The following ADAMTSL1 variants were observed in gnomAD, a reference collection of about 807,000 sequenced individuals.
ADAMTSL1 encodes the protein ADAMTS-like protein 1.
ADAMTSL1 carries 126 observed loss-of-function variants against 201.8 expected under a neutral mutation model. The observed-to-expected ratio is 0.62, with a 90% CI of 0.54 to 0.72. ADAMTSL1 has a LOEUF of 0.72. Among genes scored for constraint, ADAMTSL1 ranks in the 30% least tolerant of loss-of-function variants. The probability of loss-of-function intolerance (pLI) is 0.00; values close to 1 mark genes in which losing one functional copy is unlikely to be tolerated. For synonymous variants in ADAMTSL1, 1,121 were observed against 903.4 expected, an observed-to-expected ratio of 1.24 and a Z score of -4.32; for missense variants, 2,679 against 2,277.8, an observed-to-expected ratio of 1.18 and a Z score of -3.59.
At chr9:18,738,771 T>C (rs1394876637) in intron 15 of ADAMTSL1, among the ~76,000 whole-genome samples, 2 of 152,088 alleles carry the variant, frequency 1.3e-5, no homozygotes, top group African/African-American at 4.8e-5. Context: ...AATAGAAAAA[T>C]AGTTACTCTA....
chr9:18,287,420 T>G (rs938599135), intron 2 of ADAMTSL1, among the ~76,000 whole-genome samples: 1 of 151,822 alleles, frequency 6.6e-6, no homozygotes, highest in Non-Finnish European at 1.5e-5. Context: ...TATTTATATA[T>G]CTGTAATATT....
intron 2 of ADAMTSL1, among the ~76,000 whole-genome samples, chr9:18,406,289 T>TTTTTCTTTTCTTTAC (rs1554673584): frequency 6.4e-4 from 75 of 117,486 alleles, no homozygotes; most frequent in African/African-American, 2.5e-3. Context: ...ATAAGACAGT[T>TTTTTCTTTTCTTTAC]TTTTCTTTTC....
intron 21 of ADAMTSL1, among the ~76,000 whole-genome samples, chr9:18,822,806 C>A (rs1379397524): frequency 1.3e-5 from 2 of 152,188 alleles, no homozygotes; most frequent in Non-Finnish European, 2.9e-5. Context: ...CTCCGTTTAA[C>A]ACACTCAGGA....
At chr9:18,008,003 G>C (rs1273133397) in intron 1 of ADAMTSL1, among the ~76,000 whole-genome samples, 6 of 151,850 alleles carry the variant, frequency 4.0e-5, no homozygotes. Context: ...TTATTCCTTA[G>C]CTTAAAATTC....
At chr9:18,060,011 A>G (rs558105077) in intron 1 of ADAMTSL1, among the ~76,000 whole-genome samples, 10 of 152,334 alleles carry the variant, frequency 6.6e-5, no homozygotes, top group African/African-American at 2.2e-4. Flanking sequence ...AAAATAGTAG[A>G]TAGTAACATA....
chr9:18,792,151 C>T (rs1822103720), intron 19 of ADAMTSL1, among the ~76,000 whole-genome samples: 2 of 152,174 alleles, frequency 1.3e-5, no homozygotes, highest in Admixed American at 6.5e-5. Flanking sequence ...GTGCCCCTCT[C>T]ACTCCTTCCT....
At chr9:18,426,484 C>A (rs569713977) in intron 2 of ADAMTSL1, among the ~76,000 whole-genome samples, 1 of 152,288 alleles carries the variant, frequency 6.6e-6, no homozygotes, top group East Asian at 1.9e-4. Flanking sequence ...TAGCTTCTGC[C>A]TCCTAGAAGC....
At chr9:18,817,038 A>T in intron 20 of ADAMTSL1, 71 bp from the exon 21 acceptor site, 1 of 1,565,638 alleles carries the variant, frequency 6.4e-7, no homozygotes, top group Non-Finnish European at 8.6e-7. Context: ...TGGTTAGCCC[A>T]TATTTCAAAG....
chr9:18,496,316 A>T (rs528576100), intron 1 of ADAMTSL1, among the ~76,000 whole-genome samples: 2 of 152,336 alleles, frequency 1.3e-5, no homozygotes, highest in South Asian at 4.1e-4. Context: ...GAATGTAAAA[A>T]AGAAGAAAGC....
intron 2 of ADAMTSL1, among the ~76,000 whole-genome samples, chr9:18,229,492 A>G (rs2132399711): frequency 7.0e-6 from 1 of 143,564 alleles, no homozygotes; most frequent in East Asian, 2.1e-4. Context: ...GTAAGGAAGA[A>G]CTTTCTATAA....
chr9:18,047,365 G>T (rs910691134), intron 1 of ADAMTSL1, among the ~76,000 whole-genome samples: 1 of 152,152 alleles, frequency 6.6e-6, no homozygotes, highest in Non-Finnish European at 1.5e-5. Flanking sequence ...GGGAGATGTT[G>T]TTGGCATTTA....
chr9:18,489,113 A>T (rs138104839), intron 1 of ADAMTSL1, among the ~76,000 whole-genome samples: 40 of 152,318 alleles, frequency 2.6e-4, no homozygotes, highest in African/African-American at 9.6e-4. Flanking sequence ...AGACCCAGAC[A>T]TTGGCAATTT....
chr9:18,828,702 T>TATATA (rs1563836176), intron 22 of ADAMTSL1, among the ~76,000 whole-genome samples: 7 of 65,512 alleles, frequency 1.1e-4, no homozygotes, highest in African/African-American at 3.6e-4. Context: ...ATAAAATGTG[T>TATATA]GTGTGTGTAT....
At chr9:18,849,680 A>C (rs534230641) in intron 23 of ADAMTSL1, among the ~76,000 whole-genome samples, 75 of 152,292 alleles carry the variant, frequency 4.9e-4, no homozygotes, top group African/African-American at 1.8e-3. Flanking sequence ...TGTCAAAGAG[A>C]CACAAGTCAG....
At chr9:18,495,717 A>T (rs1056792499) in intron 1 of ADAMTSL1, among the ~76,000 whole-genome samples, 1 of 152,200 alleles carries the variant, frequency 6.6e-6, no homozygotes, top group Non-Finnish European at 1.5e-5. Flanking sequence ...TCTAGGTTGC[A>T]GGTACAGAGT....
chr9:18,194,440 C>T (rs977357114), intron 2 of ADAMTSL1, among the ~76,000 whole-genome samples: 13 of 152,062 alleles, frequency 8.5e-5, no homozygotes, highest in African/African-American at 3.1e-4. Context: ...TCTCTGACCC[C>T]TGTATCTCAT....
chr9:18,897,179 C>T (rs1349023891), intron 26 of ADAMTSL1, among the ~76,000 whole-genome samples: 1 of 152,228 alleles, frequency 6.6e-6, no homozygotes, highest in East Asian at 1.9e-4. Context: ...GCGGGAATTT[C>T]AGCAACTCCA....
intron 4 of ADAMTSL1, among the ~76,000 whole-genome samples, chr9:18,588,605 T>A (rs1274567671): frequency 8.5e-5 from 13 of 152,058 alleles, no homozygotes; most frequent in Admixed American, 8.5e-4. Context: ...TACATTTAAG[T>A]CTTTAATCAA....
chr9:18,615,678 A>G (rs1040596182), intron 4 of ADAMTSL1, among the ~76,000 whole-genome samples: 1 of 152,180 alleles, frequency 6.6e-6, no homozygotes, highest in Non-Finnish European at 1.5e-5. Context: ...AATCATTCAA[A>G]TCTTAAGTTA....
Sources: allele counts gnomAD v4.1 joint callset (sites outside exome capture counted in the v4.1 genomes callset), GRCh38; gene constraint gnomAD v4.1.1; transcripts MANE v1.5; gene names NCBI Gene and HGNC (gene_info 2026-07-23, HGNC 2026-07-21).